Variants in GLYATL3 observed in about 807,000 individuals in gnomAD.
The protein encoded by GLYATL3 is glycine N-acyltransferase-like protein 3.
In GLYATL3, 31 loss-of-function variants were observed where a neutral mutation model predicts 28.5. The ratio of observed to expected loss-of-function variants is 1.09; its 90% confidence interval spans 0.82 to 1.47. The LOEUF is 1.47. GLYATL3 is among the 40% of genes most tolerant of loss of function. GLYATL3 has a pLI of 0.00. For missense variants in GLYATL3, 369 were observed against 351.5 expected (o/e 1.05, Z -0.40); for synonymous variants, 141 against 140.2 (o/e 1.01, Z -0.04).
intron 1 of GLYATL3, among the ~76,000 whole-genome samples, chr6:49,508,068 G>A (rs562747694): frequency 1.1e-4 from 16 of 152,048 alleles, no homozygotes; most frequent in South Asian, 2.1e-4. Context: ...AGGCTGAGGC[G>A]GGTGGATCGC....
In GLYATL3 at chr6:49,526,812, G is replaced by T; in HGVS notation, c.765G>T (p.Ala255=). The T allele has an allele frequency of 6.4e-7, 1 of 1,552,122 alleles. No individual in the cohort carries two copies. The highest frequency in any genetic ancestry group is 8.7e-7 in the Non-Finnish European group (1 of 1,147,068). Residue 255 remains alanine, a synonymous_variant, in exon 6 of 6, where the codon GCG becomes GCT. Coordinates refer to ENST00000371197, the MANE Select transcript of GLYATL3 (RefSeq NM_001010904.2). ...GGAACGTCCTGGATGACAACACGGCGTCTATAAGCCTCCTGAAGAGTCTCC... is the reference window on the plus strand; with the variant it reads ...GGAACGTCCTGGATGACAACACGGCTTCTATAAGCCTCCTGAAGAGTCTCC... ...SQGNVLDDNT[A]SISLLKSLHA...
At chr6:49,511,506 T>C (rs1275863324) in intron 1 of GLYATL3, among the ~76,000 whole-genome samples, 1 of 152,200 alleles carries the variant, frequency 6.6e-6, no homozygotes, top group African/African-American at 2.4e-5. Flanking sequence ...CTGAGCTTCA[T>C]ATTTTCCATT....
At chr6:49,516,381 C>T (rs1769215465) in intron 3 of GLYATL3, among the ~76,000 whole-genome samples, 1 of 152,050 alleles carries the variant, frequency 6.6e-6, no homozygotes, top group African/African-American at 2.4e-5. Flanking sequence ...GGCTGACTTA[C>T]AGATACTAGC....
chr6:49,521,502 T>G (rs1769314971), intron 4 of GLYATL3, 143 bp from the exon 5 acceptor site: 1 of 576,210 alleles, frequency 1.7e-6, no homozygotes, highest in Admixed American at 3.4e-5. Flanking sequence ...ATAATTTAGA[T>G]GTAAGTATAC....
chr6:49,505,649 A>G (rs1159623980), intron 1 of GLYATL3, among the ~76,000 whole-genome samples: 1 of 152,220 alleles, frequency 6.6e-6, no homozygotes, highest in Non-Finnish European at 1.5e-5. Flanking sequence ...TGCCAGCACA[A>G]AGATGTAGAA....
At chr6:49,516,524 C>T (rs1357007427) in intron 3 of GLYATL3, among the ~76,000 whole-genome samples, 1 of 152,078 alleles carries the variant, frequency 6.6e-6, no homozygotes, top group African/African-American at 2.4e-5. Context: ...GTCCTGACCA[C>T]ATTAGGAAGA....
rs1045639354 is a variant in GLYATL3 at position 49,517,489 on chromosome 6, C to G, written c.246C>G (p.Val82=). 6.5e-7 allele frequency: 1 copy of G among 1,550,308 alleles called. No individual in the cohort carries two copies. The change falls in exon 4 of 6, where the codon GTC becomes GTG. Residue 82 remains valine, a synonymous_variant. Coordinates refer to ENST00000371197, the MANE Select transcript of GLYATL3 (RefSeq NM_001010904.2). ...TNAYAVFYKD[V]RAYRQLLEEC... ...CCTATGCTGTGTTCTACAAGGATGT[C>G]AGGGCTTATCGACAGCTATTGGAAG... is the stretch of plus-strand genomic sequence containing the variant.
At chr6:49,513,392 C>T (rs990974978) in intron 2 of GLYATL3, among the ~76,000 whole-genome samples, 2 of 152,076 alleles carry the variant, frequency 1.3e-5, no homozygotes, top group African/African-American at 4.8e-5. Flanking sequence ...TGTATTTAAC[C>T]AGTGTCAAAT....
intron 2 of GLYATL3, among the ~76,000 whole-genome samples, chr6:49,515,394 C>T (rs139992304): frequency 3.3e-5 from 5 of 152,286 alleles, no homozygotes; most frequent in Non-Finnish European, 7.4e-5. Flanking sequence ...GTACCTCTCA[C>T]TGCTATCCTA....
chr6:49,499,972 C>A lies in GLYATL3; in HGVS notation c.-99C>A, dbSNP rs1768884380. 1 of 151,930 alleles carries A rather than the reference C, an allele frequency of 6.6e-6. No homozygotes were observed. Among genetic ancestry groups the A allele is most frequent in the Non-Finnish European group, 1.5e-5 (1 of 67,980 alleles). The allele number at this position is 151,930 out of a possible 1,614,324, so 9.4% of individuals were successfully genotyped here. On this transcript the variant is annotated 5_prime_UTR_variant, in exon 1 of 6. Coordinates refer to ENST00000371197, the MANE Select transcript of GLYATL3 (RefSeq NM_001010904.2). Reference sequence around the variant, plus strand: ...AGGTAGCCTTGAAGAATAAACTTACCATTTATATAAAAGGGCTACTGGACT... The same window carrying A: ...AGGTAGCCTTGAAGAATAAACTTACAATTTATATAAAAGGGCTACTGGACT...
intron 1 of GLYATL3, among the ~76,000 whole-genome samples, chr6:49,505,676 C>T (rs1490475490): frequency 3.3e-5 from 5 of 152,186 alleles, no homozygotes; most frequent in African/African-American, 1.2e-4. Flanking sequence ...TTTTAAACTT[C>T]ATTTTTTGAC....
At chr6:49,521,085 T>C (rs1769303521) in intron 4 of GLYATL3, among the ~76,000 whole-genome samples, 2 of 152,060 alleles carry the variant, frequency 1.3e-5, no homozygotes. Flanking sequence ...GTACAGTACT[T>C]TATATATATA....
At chr6:49,524,968 C>CAAAA (rs911424000) in intron 5 of GLYATL3, among the ~76,000 whole-genome samples, 21 of 43,568 alleles carry the variant, frequency 4.8e-4, no homozygotes, top group East Asian at 7.0e-4. Flanking sequence ...GACTCCCTCT[C>CAAAA]AAAAAAAAAA....
intron 5 of GLYATL3, among the ~76,000 whole-genome samples, chr6:49,525,650 A>T (rs1769397634): frequency 1.3e-5 from 2 of 151,774 alleles, no homozygotes. Context: ...AGCACTCAGA[A>T]TGAGAAGTTC....
intron 4 of GLYATL3, among the ~76,000 whole-genome samples, chr6:49,520,863 A>G (rs916270646): frequency 2.0e-5 from 3 of 152,154 alleles, no homozygotes; most frequent in African/African-American, 7.2e-5. Context: ...AAAACAAAAC[A>G]AAACAAAACT....
intron 3 of GLYATL3, 96 bp from the exon 4 acceptor site, chr6:49,517,334 A>C: frequency 1.9e-6 from 2 of 1,069,546 alleles, no homozygotes; most frequent in South Asian, 4.5e-5. Flanking sequence ...TATAAAAATT[A>C]GCTAGACATG....
At chr6:49,502,777 A>AT (rs1768937846) in intron 1 of GLYATL3, among the ~76,000 whole-genome samples, 1 of 152,162 alleles carries the variant, frequency 6.6e-6, no homozygotes, top group Non-Finnish European at 1.5e-5. Flanking sequence ...ACTGCAATTA[A>AT]TGTAAAAATA....
At chr6:49,522,287 C>G (rs1769329807) in intron 5 of GLYATL3, among the ~76,000 whole-genome samples, 1 of 152,026 alleles carries the variant, frequency 6.6e-6, no homozygotes, top group South Asian at 2.1e-4. Flanking sequence ...CCTTTTTAAA[C>G]AGAGATGAAG....
chr6:49,519,069 T>C (rs1013559013), intron 4 of GLYATL3, among the ~76,000 whole-genome samples: 3 of 152,194 alleles, frequency 2.0e-5, no homozygotes, highest in Non-Finnish European at 2.9e-5. Flanking sequence ...TTCTATCACT[T>C]CCACAGCCAA....
Sources: allele counts gnomAD v4.1 joint callset (sites outside exome capture counted in the v4.1 genomes callset), GRCh38; gene constraint gnomAD v4.1.1; transcripts MANE v1.5; gene names NCBI Gene and HGNC (gene_info 2026-07-23, HGNC 2026-07-21).